Variants in POLD3 observed in about 807,000 individuals in gnomAD.
POLD3 encodes the protein DNA polymerase delta subunit 3.
In POLD3, 19 loss-of-function variants were observed where a neutral mutation model predicts 58.2. The observed-to-expected ratio is 0.33, with a 90% CI of 0.23 to 0.48. POLD3 has a LOEUF of 0.48. POLD3 is among the 20% of genes least tolerant of loss of function. The pLI is 0.99. For missense variants in POLD3, 504 were observed against 545.5 expected (o/e 0.92, Z 0.76); for synonymous variants, 172 against 193.5 (o/e 0.89, Z 0.92).
intron 4 of POLD3, among the ~76,000 whole-genome samples, chr11:74,649,683 T>C (rs1471552288): frequency 6.6e-6 from 1 of 152,182 alleles, no homozygotes; most frequent in Non-Finnish European, 1.5e-5. Flanking sequence ...TCCCAGCCTG[T>C]ACACTTTAGA....
rs1257805753 is a variant in POLD3 at position 74,642,414 on chromosome 11, T to C, written c.*1648T>C. 1.0e-6 allele frequency: 1 copy of C among 985,068 alleles called. No individual in the cohort carries two copies. Among genetic ancestry groups the C allele is most frequent in the African/African-American group, 1.7e-5 (1 of 57,232 alleles). The allele number at this position is 985,068 out of a possible 1,614,324, so 61.0% of individuals were successfully genotyped here. Reference sequence around the variant, plus strand: ...AGAAATCCCTTTTAAACAGTTACTTTTGTCATTGCCTCTGGTCATTTGTCT... The same window carrying C: ...AGAAATCCCTTTTAAACAGTTACTTCTGTCATTGCCTCTGGTCATTTGTCT... On this transcript the variant is annotated 3_prime_UTR_variant, in exon 12 of 12. Transcript: ENST00000263681.
intron 3 of POLD3, among the ~76,000 whole-genome samples, chr11:74,608,518 C>A (rs535049438): frequency 1.1e-3 from 163 of 152,314 alleles, no homozygotes; most frequent in African/African-American, 3.8e-3. Flanking sequence ...CTTACCCCCT[C>A]CTAGGCTCTG....
chr11:74,658,985 G>T (rs1591329931), intron 4 of POLD3, among the ~76,000 whole-genome samples: 1 of 152,202 alleles, frequency 6.6e-6, no homozygotes, highest in African/African-American at 2.4e-5. Context: ...CTATGTGGGG[G>T]CTCCAACCTC....
At position 74,611,513 on chromosome 11, in the gene POLD3, A is replaced by G; in HGVS notation, c.234A>G (p.Ala78=). The G allele has an allele frequency of 6.4e-7, 1 of 1,563,462 alleles. No individual in the cohort carries two copies. The highest frequency in any genetic ancestry group is 1.4e-5 in the African/African-American group (1 of 72,900). The change falls in exon 4 of 12, where the codon GCA becomes GCG. Residue 78 remains alanine (A), a synonymous_variant. Transcript: ENST00000263681. The stretch of plus-strand genomic sequence containing the variant: ...TTTTCTTACAGTGCCACAAGGTTGC[A>G]GTAGTGAGAGAAGATAAATTGGAAG... The part of the protein sequence containing the change: ...IQNGHSCHKV[A]VVREDKLEAV...
At chr11:74,639,416 G>A (rs1490088829) in intron 11 of POLD3, among the ~76,000 whole-genome samples, 2 of 151,648 alleles carry the variant, frequency 1.3e-5, no homozygotes, top group African/African-American at 4.8e-5. Context: ...GTTCTTTAAT[G>A]GAAAAAAAAA....
intron 5 of POLD3, among the ~76,000 whole-genome samples, chr11:74,614,116 A>G (rs1035924951): frequency 3.3e-5 from 5 of 152,346 alleles, no homozygotes; most frequent in African/African-American, 1.2e-4. Context: ...AAGACTAAAG[A>G]GGCCAAGCAG....
intron 4 of POLD3, among the ~76,000 whole-genome samples, chr11:74,667,379 C>CA (rs1011284629): frequency 9.9e-5 from 15 of 151,068 alleles, no homozygotes; most frequent in East Asian, 3.9e-4. Context: ...ACTAAAAATA[C>CA]AAAAAAAAAT....
chr11:74,642,066 G>T lies in POLD3; in HGVS notation c.*1300G>T, dbSNP rs973471987. On this transcript the variant is annotated 3_prime_UTR_variant, in exon 12 of 12. Transcript: ENST00000263681. ...CAACTGCTGATGTGTCTCACACGTA[G>T]CAGACAAGGGGTGTCTGACTGGCTT... 4.5e-5 allele frequency: 44 copies of T among 985,456 alleles called. No homozygotes were observed. Among genetic ancestry groups the T allele is most frequent in the Non-Finnish European group, 5.1e-5 (42 of 829,944 alleles). 61.0% of individuals were successfully genotyped at this position (985,456 alleles called of 1,614,324 possible). A position where few individuals can be genotyped will look rare whatever the true frequency, so the allele number is the denominator to read the frequency against.
At chr11:74,593,235 T>C (rs889164834) in intron 1 of POLD3, among the ~76,000 whole-genome samples, 56 of 152,356 alleles carry the variant, frequency 3.7e-4, no homozygotes, top group African/African-American at 1.3e-3. Flanking sequence ...CAAACCGTGA[T>C]GATTGAGTGC....
At position 74,613,017 on chromosome 11, in the gene POLD3, GTC is replaced by G. The variant is rs2031966774; in HGVS notation, c.392+9_392+10del. 1 of 1,606,500 alleles carries G rather than the reference GTC, an allele frequency of 6.2e-7. No individual in the cohort carries two copies. The highest frequency in any genetic ancestry group is 2.2e-5 in the East Asian group (1 of 44,800). On this transcript the variant is annotated splice_region_variant and intron_variant, in intron 5 of 11. Transcript: ENST00000263681. The stretch of plus-strand genomic sequence containing the variant: ...ACTTGCAGAACTGCAGCAAGTAAGC[GTC>G]TTAATGTTCCTTGTGGGCTTCTTTA...
chr11:74,632,468 A>G (rs1208505797), intron 9 of POLD3, among the ~76,000 whole-genome samples: 1 of 152,222 alleles, frequency 6.6e-6, no homozygotes, highest in African/African-American at 2.4e-5. Context: ...CTTGGTAAAG[A>G]CTAAGGCAGA....
Position 74,618,931 on chromosome 11 carries a change from T to A in POLD3, c.660+127T>A, listed in dbSNP as rs558595684. 5.1e-6 allele frequency: 4 copies of A among 786,440 alleles called. No individual in the cohort carries two copies. The African/African-American group carries it at 7.0e-5, about 14-fold the overall frequency. 48.7% of individuals were successfully genotyped at this position (786,440 alleles called of 1,614,324 possible). ...ATATTCAGTTCTGATTTTTCTACTT[T>A]AGTTTGAACCCTTTAATACTTGATA... On this transcript the variant is annotated intron_variant, in intron 6 of 11. Transcript: ENST00000263681.
rs550228464 is a variant in POLD3 at position 74,607,558 on chromosome 11, G to A, written c.219+2764G>A. On this transcript the variant is annotated intron_variant, in intron 3 of 11. Coordinates refer to ENST00000263681, the MANE Select transcript of POLD3 (RefSeq NM_006591.3). Reference sequence around the variant, plus strand: ...TAGGATTACAGGCGTGAGCCACCGCGCCTGGACTTATTTTTATTTTTTATT... The same window carrying A: ...TAGGATTACAGGCGTGAGCCACCGCACCTGGACTTATTTTTATTTTTTATT... Among the ~76,000 whole-genome samples the A allele has an allele frequency of 2.0e-3, 302 of 151,810 alleles. 1 individual carries two copies. Among genetic ancestry groups the A allele is most frequent in the Non-Finnish European group, 3.0e-3 (205 of 67,952 alleles).
intron 9 of POLD3, among the ~76,000 whole-genome samples, 165 bp from the exon 10 acceptor site, chr11:74,634,418 A>G (rs1314525075): frequency 6.6e-6 from 1 of 152,246 alleles, no homozygotes; most frequent in Non-Finnish European, 1.5e-5. Context: ...TTAATAAAAT[A>G]TGTATTTTAA....
chr11:74,603,158 A>G (rs1325400491), intron 2 of POLD3, among the ~76,000 whole-genome samples: 3 of 152,232 alleles, frequency 2.0e-5, no homozygotes, highest in African/African-American at 7.2e-5. Flanking sequence ...TAGAACATAA[A>G]GTAACCACTT....
chr11:74,593,999 G>A (rs1316525201), intron 1 of POLD3, 62 bp from the exon 2 acceptor site: 6 of 842,084 alleles, frequency 7.1e-6, no homozygotes, highest in Middle Eastern at 2.2e-4. Flanking sequence ...ACAGACCTTC[G>A]GGACTGATGT....
At chr11:74,625,648 C>A in intron 8 of POLD3, 75 bp downstream of exon 8, 4 of 1,274,824 alleles carry the variant, frequency 3.1e-6, no homozygotes, top group Non-Finnish European at 4.3e-6. Flanking sequence ...TTATTGACAG[C>A]AGGCAGTTTT....
intron 7 of POLD3, among the ~76,000 whole-genome samples, chr11:74,622,621 A>C (rs919687261): frequency 1.3e-5 from 2 of 152,218 alleles, no homozygotes; most frequent in African/African-American, 4.8e-5. Context: ...ATGAAAATGA[A>C]GCTTGAGAAT....
chr11:74,653,606 C>T (rs1015390634), intron 4 of POLD3, among the ~76,000 whole-genome samples: 10 of 151,590 alleles, frequency 6.6e-5, no homozygotes, highest in African/African-American at 2.2e-4. Context: ...ACTAAAATTA[C>T]CAATGAATGT....
Sources: allele counts gnomAD v4.1 joint callset (sites outside exome capture counted in the v4.1 genomes callset), GRCh38; gene constraint gnomAD v4.1.1; transcripts MANE v1.5; gene names NCBI Gene and HGNC (gene_info 2026-07-23, HGNC 2026-07-21).